The following RNF126 variants were observed in gnomAD, a reference collection of about 807,000 sequenced individuals.
The protein encoded by RNF126 is ring finger protein 126.
Under a neutral mutation model 41.9 loss-of-function variants are expected in RNF126, and 20 were observed. The observed-to-expected ratio is 0.48, with a 90% CI of 0.34 to 0.69. RNF126 has a LOEUF of 0.69. Among genes scored for constraint, RNF126 ranks in the 30% least tolerant of loss-of-function variants. The pLI is 0.01. For synonymous variants in RNF126, 239 were observed against 202.9 expected (o/e 1.18, Z -1.51); for missense variants, 433 against 460.6 (o/e 0.94, Z 0.55).
intron 1 of RNF126, among the ~76,000 whole-genome samples, chr19:658,290 T>C (rs1398550245): frequency 6.6e-6 from 1 of 152,016 alleles, no homozygotes; most frequent in Non-Finnish European, 1.5e-5. Context: ...ACGGGGCGCA[T>C]GTCCTGAGGG....
chr19:648,339 C>G (rs925414363), intron 8 of RNF126, 33 bp downstream of exon 8: 3 of 302,212 alleles, frequency 9.9e-6, no homozygotes, highest in Non-Finnish European at 1.3e-5. Context: ...GGGCCGCGGT[C>G]GGGGTGGGGG....
chr19:657,165 G>T (rs779966267), intron 1 of RNF126, among the ~76,000 whole-genome samples: 5 of 152,228 alleles, frequency 3.3e-5, no homozygotes, highest in Non-Finnish European at 7.3e-5. Flanking sequence ...GCCTGAGGGA[G>T]AAGCTGTCTC....
rs867624453 is a variant in RNF126, at chr19:652,009, C to T, written c.199-154G>A. On this transcript the variant is annotated intron_variant, in intron 3 of 8. Transcript: ENST00000292363. ...ACAGGGAGGCAGGAATTGGGCAGAG[C>T]CTGCCCCGCTGGTGTGAGATGCCTC... 4 of 734,334 alleles carry T rather than the reference C, an allele frequency of 5.4e-6. No homozygotes were observed. The South Asian group carries it at 7.9e-5, about 14-fold the overall frequency. 45.5% of individuals were successfully genotyped at this position (734,334 alleles called of 1,614,324 possible).
At chr19:658,459 T>C (rs879639311) in intron 1 of RNF126, among the ~76,000 whole-genome samples, 2 of 150,866 alleles carry the variant, frequency 1.3e-5, no homozygotes, top group Non-Finnish European at 3.0e-5. Context: ...CCAGGGAGAG[T>C]CATGGTGCAG....
At chr19:653,404 G>A (rs978338549) in intron 1 of RNF126, among the ~76,000 whole-genome samples, 2 of 152,244 alleles carry the variant, frequency 1.3e-5, no homozygotes, top group East Asian at 1.9e-4. Context: ...CCAACATGGT[G>A]ATGTCCCAGA....
At chr19:662,528 C>A (rs1221893585) in intron 1 of RNF126, among the ~76,000 whole-genome samples, 1 of 152,114 alleles carries the variant, frequency 6.6e-6, no homozygotes, top group African/African-American at 2.4e-5. Context: ...GGCCAGGGCT[C>A]CACGAGGCGA....
chr19:653,401 G>T (rs1278768774), intron 1 of RNF126, among the ~76,000 whole-genome samples: 1 of 152,228 alleles, frequency 6.6e-6, no homozygotes, highest in African/African-American at 2.4e-5. Context: ...AGGCCAACAT[G>T]GTGATGTCCC....
intron 7 of RNF126, among the ~76,000 whole-genome samples, 191 bp downstream of exon 7, chr19:648,691 G>A (rs914023606): frequency 3.9e-5 from 6 of 151,942 alleles, no homozygotes; most frequent in East Asian, 1.9e-4. Context: ...GCTCGAGGCC[G>A]GGTGCGGTGG....
chr19:661,970 C>T (rs1223378826), intron 1 of RNF126, among the ~76,000 whole-genome samples: 2 of 152,078 alleles, frequency 1.3e-5, no homozygotes, highest in African/African-American at 4.8e-5. Flanking sequence ...GCACGGGTGG[C>T]TCGACTAAAT....
In RNF126 at chr19:659,460, G is replaced by A. The variant is rs1000931676; in HGVS notation, c.75+3587C>T. ...GGTTGCAGGCGTTCGGGGGTGGGGG[G>A]TCGGCAGGCAGAGCTGGAACCACCC... On this transcript the variant is annotated intron_variant, in intron 1 of 8. Transcript: ENST00000292363. The surrounding 1 kb of genome is among the most constrained non-coding windows in gnomAD (Gnocchi z 4.9). Among the ~76,000 whole-genome samples the A allele has an allele frequency of 6.6e-6, 1 of 152,162 alleles. No individual in the cohort carries two copies. Among genetic ancestry groups the A allele is most frequent in the African/African-American group, 2.4e-5 (1 of 41,444 alleles).
chr19:658,532 C>T (rs899821573), intron 1 of RNF126, among the ~76,000 whole-genome samples: 4 of 152,140 alleles, frequency 2.6e-5, no homozygotes, highest in Non-Finnish European at 5.9e-5. Context: ...CCCAAAGCTT[C>T]CCGGCTGATC....
chr19:663,021 G>A, intron 1 of RNF126, 26 bp downstream of exon 1: 1 of 1,290,388 alleles, frequency 7.7e-7, no homozygotes, highest in Non-Finnish European at 1.0e-6. Context: ...AGACCCTGCC[G>A]CCCGCCGCCC....
chr19:662,621 G>A (rs1188725444), intron 1 of RNF126, among the ~76,000 whole-genome samples: 2 of 152,172 alleles, frequency 1.3e-5, no homozygotes, highest in South Asian at 2.1e-4. Context: ...AGCCCCGCCA[G>A]GCCCAGCCCC....
rs145178688 is a variant in RNF126 at position 651,853 on chromosome 19, G to A, written c.201C>T (p.His67=). The change falls in exon 4 of 9, where the codon CAC becomes CAT. Residue 67 remains histidine, a splice_region_variant and synonymous_variant. Transcript: ENST00000292363. ...PTDQSRPPLE[H]VDQHLFTLPQ... is the part of the protein sequence containing the mutation. ...GCAGCGTGAACAGGTGCTGGTCCAC[G>A]TGCTGGGGAGAGGAGGGGGGCGTGA... 63 of 1,606,360 alleles carry A rather than the reference G, an allele frequency of 3.9e-5. No individual in the cohort carries two copies. The Middle Eastern group carries it at 9.9e-4, about 25-fold the overall frequency.
intron 1 of RNF126, among the ~76,000 whole-genome samples, chr19:662,370 A>G (rs893074166): frequency 9.2e-5 from 14 of 152,178 alleles, no homozygotes; most frequent in African/African-American, 3.4e-4. Flanking sequence ...GGGCGGCTGT[A>G]AACACCTGGA....
chr19:653,500 A>G (rs2030423767), intron 1 of RNF126, among the ~76,000 whole-genome samples: 2 of 152,252 alleles, frequency 1.3e-5, no homozygotes, highest in Non-Finnish European at 2.9e-5. Flanking sequence ...CTCAAGCCAC[A>G]GCTGTGCCGA....
chr19:663,129 G>A lies in RNF126; in HGVS notation c.-8C>T, dbSNP rs1281183739. 18 of 1,260,470 alleles carry A rather than the reference G, an allele frequency of 1.4e-5. No homozygotes were observed. The highest frequency in any genetic ancestry group is 3.7e-5 in the Admixed American group (1 of 26,948). The allele number at this position is 1,260,470 out of a possible 1,614,324, so 78.1% of individuals were successfully genotyped here. A position where few individuals can be genotyped will look rare whatever the true frequency, so the allele number is the denominator to read the frequency against. On this transcript the variant is annotated 5_prime_UTR_variant, in exon 1 of 9. Transcript: ENST00000292363. ...CGGCGACGCCTCGGCCATGGCCGCC[G>A]CCACCTACTCCGCGCCGCCCGCCCC...
At chr19:660,952 C>T (rs2030775923) in intron 1 of RNF126, among the ~76,000 whole-genome samples, 1 of 152,254 alleles carries the variant, frequency 6.6e-6, no homozygotes, top group African/African-American at 2.4e-5. Context: ...GGCAGGCCCC[C>T]GCAGCCCTCT....
intron 1 of RNF126, among the ~76,000 whole-genome samples, chr19:654,918 G>A (rs965028663): frequency 6.6e-6 from 1 of 151,518 alleles, no homozygotes; most frequent in East Asian, 1.9e-4. Flanking sequence ...AACGAGCCGA[G>A]ATCATGACAT....
Sources: allele counts gnomAD v4.1 joint callset (sites outside exome capture counted in the v4.1 genomes callset), GRCh38; gene constraint gnomAD v4.1.1; non-coding constraint Gnocchi (gnomAD v3.1); transcripts MANE v1.5; gene names NCBI Gene and HGNC (gene_info 2026-07-23, HGNC 2026-07-21).